Variants in PTGES3L observed in about 807,000 individuals in gnomAD.
The protein encoded by PTGES3L is prostaglandin E synthase 3 like.
A neutral mutation model predicts 25.0 loss-of-function variants in PTGES3L; 17 were observed. That is an observed-to-expected ratio of 0.68 (90% CI 0.47 to 1.02). The LOEUF (loss-of-function observed/expected upper bound fraction) is 1.02. PTGES3L is among the 50% of genes least tolerant of loss of function. PTGES3L has a pLI of 0.00. For missense variants in PTGES3L, 202 were observed against 197.5 expected, an observed-to-expected ratio of 1.02 and a Z score of -0.14; for synonymous variants, 59 against 65.7, an observed-to-expected ratio of 0.90 and a Z score of 0.50.
Position 42,969,188 on chromosome 17 carries a change from TGGG to T in PTGES3L, c.433-5_433-3del, listed in dbSNP as rs747833167. 0.26 allele frequency: 267,886 copies of T among 1,011,018 alleles called. 28,562 individuals are homozygous for T. The highest frequency in any genetic ancestry group is 0.35 in the Admixed American group (13,688 of 39,200). 62.6% of individuals were successfully genotyped at this position (1,011,018 alleles called of 1,614,324 possible). On this transcript the variant is annotated splice_polypyrimidine_tract_variant and splice_region_variant and intron_variant, in intron 6 of 6. Coordinates refer to ENST00000591916, the MANE Select transcript of PTGES3L (RefSeq NM_001261430.2). ...ATCATCAGCACTGTCAGAATCATCC[TGGG>T]GGCGGGGGGGAAAAAAGACAAAGCA... is the stretch of plus-strand genomic sequence containing the variant.
Position 42,979,249 on chromosome 17 carries a change from G to A in PTGES3L, c.209C>T (p.Ser70Phe), listed in dbSNP as rs1255835544. 1.7e-5 allele frequency: 28 copies of A among 1,614,140 alleles called. No individual in the cohort carries two copies. The highest frequency in any genetic ancestry group is 2.2e-5 in the East Asian group (1 of 44,880). Residue 70 changes from serine (S) to phenylalanine (F), a missense_variant, in exon 4 of 7, where the codon TCT becomes TTT. By Grantham distance (155) the Ser-to-Phe change is radical (BLOSUM62 -2). Coordinates refer to ENST00000591916, the MANE Select transcript of PTGES3L (RefSeq NM_001261430.2). ...CACAAAACAAGTAATAGAGCGGGAA[G>A]AGCGCTTATCCTGGGAGTCCTGCCA... is the stretch of plus-strand genomic sequence containing the variant. ...VNSKDSQDKR[S>F]SRSITCFVRK...
Position 42,971,591 on chromosome 17 carries a change from A to G in PTGES3L, c.378+16T>C. 6.2e-7 allele frequency: 1 copy of G among 1,613,376 alleles called. No individual in the cohort carries two copies. Among genetic ancestry groups the G allele is most frequent in the Non-Finnish European group, 8.5e-7 (1 of 1,179,484 alleles). On this transcript the variant is annotated intron_variant, in intron 5 of 6. Coordinates refer to ENST00000591916, the MANE Select transcript of PTGES3L (RefSeq NM_001261430.2). ...AATGATCAAGTGGGCAGAACACAGT[A>G]GGTGTTGTCTCTCACCTCTGCATAA...
rs753763033 is a variant in PTGES3L, at chr17:42,971,640, C to A, written c.345G>T (p.Glu115Asp). 1 of 1,614,096 alleles carries A rather than the reference C, an allele frequency of 6.2e-7. No individual in the cohort carries two copies. The highest frequency in any genetic ancestry group is 8.5e-7 in the Non-Finnish European group (1 of 1,180,024). ...AATGTTCCACATGAGCCAGCTCCAT[C>A]TCTTCATCCCCTTCCCAGTCTCTCC... ...DNWRDWEGDE[E>D]MELAHVEHYA... The change falls in exon 5 of 7, where the codon GAG becomes GAT. Residue 115 changes from glutamate to aspartate, a missense_variant. Transcript: ENST00000591916.
intron 4 of PTGES3L, among the ~76,000 whole-genome samples, chr17:42,973,384 C>A (rs1451143859): frequency 6.9e-6 from 1 of 145,602 alleles, no homozygotes; most frequent in Non-Finnish European, 1.5e-5. Flanking sequence ...GGGTCAGCCC[C>A]CTGCCCGGCC....
intron 1 of PTGES3L, 41 bp from the exon 2 acceptor site, chr17:42,979,704 G>A (rs745329798): frequency 6.2e-7 from 1 of 1,600,364 alleles, no homozygotes; most frequent in South Asian, 1.1e-5. Flanking sequence ...GGGTGGGAGA[G>A]GGAAGACTGA....
At chr17:42,979,996 A>G in intron 1 of PTGES3L, 50 bp downstream of exon 1, 1 of 1,520,576 alleles carries the variant, frequency 6.6e-7, no homozygotes, top group Non-Finnish European at 8.8e-7. Context: ...TGGAGCAGGG[A>G]ATCTCCAGGG....
intron 4 of PTGES3L, among the ~76,000 whole-genome samples, chr17:42,973,235 G>A (rs1327932983): frequency 6.8e-6 from 1 of 147,466 alleles, no homozygotes; most frequent in Non-Finnish European, 1.5e-5. Flanking sequence ...CCGTCCGGGA[G>A]GGAGGTGGGG....
Position 42,979,377 on chromosome 17 carries a change from C to T in PTGES3L, c.189+1G>A. On this transcript the variant is annotated splice_donor_variant, in intron 3 of 6. Coordinates refer to ENST00000591916, the MANE Select transcript of PTGES3L (RefSeq NM_001261430.2). LOFTEE classifies it high-confidence loss of function. ...ACCTTACTGTCCCATTTCACCCTTA[C>T]CTTGGAGTTCACTTTGGCATAGAAC... The T allele has an allele frequency of 1.2e-6, 2 of 1,614,168 alleles. No individual in the cohort carries two copies. The highest frequency in any genetic ancestry group is 1.7e-6 in the Non-Finnish European group (2 of 1,180,038).
At chr17:42,977,580 G>A (rs1158999561) in intron 4 of PTGES3L, among the ~76,000 whole-genome samples, 5 of 147,120 alleles carry the variant, frequency 3.4e-5, no homozygotes, top group Non-Finnish European at 6.0e-5. Flanking sequence ...CTCCAGCCTG[G>A]GCAACAAGAG....
Position 42,971,666 on chromosome 17 carries a change from A to T in PTGES3L, c.319T>A (p.Trp107Arg). ...PVWLSVDFDNWRDWEGDEEME... is the reference protein window; with the variant it reads ...PVWLSVDFDNRRDWEGDEEME... Reference sequence around the variant, plus strand: ...TCTTCATCCCCTTCCCAGTCTCTCCAGTTATCAAAGTCCACAGACAGCCAC... The same window carrying T: ...TCTTCATCCCCTTCCCAGTCTCTCCTGTTATCAAAGTCCACAGACAGCCAC... Residue 107 changes from tryptophan to arginine, a missense_variant, in exon 5 of 7, where the codon TGG (tryptophan) becomes AGG (arginine). By Grantham distance (101) the Trp-to-Arg change is moderately radical. Transcript: ENST00000591916. 6.2e-7 allele frequency: 1 copy of T among 1,614,080 alleles called. No homozygotes were observed. Among genetic ancestry groups the T allele is most frequent in the Middle Eastern group, 1.6e-4 (1 of 6,062 alleles).
intron 4 of PTGES3L, 86 bp from the exon 5 acceptor site, chr17:42,971,782 G>T (rs900669928): frequency 5.6e-6 from 8 of 1,425,584 alleles, no homozygotes; most frequent in Non-Finnish European, 6.8e-6. Flanking sequence ...ATGGGAGCAC[G>T]CCTGGGGAAA....
rs910899916 is a variant in PTGES3L at position 42,968,938 on chromosome 17, C to T, written c.*210G>A. 3.9e-5 allele frequency: 20 copies of T among 507,520 alleles called. 1 individual carries two copies. Among genetic ancestry groups the T allele is most frequent in the Non-Finnish European group, 7.0e-5 (20 of 283,874 alleles). 31.4% of individuals were successfully genotyped at this position (507,520 alleles called of 1,614,324 possible). A position where few individuals can be genotyped will look rare whatever the true frequency, so the allele number is the denominator to read the frequency against. On this transcript the variant is annotated 3_prime_UTR_variant, in exon 7 of 7. Transcript: ENST00000591916. ...GAAGCCCTACCAGTCTACCCCTCCC[C>T]GACCCTGCATCTGATGTGGAGCCAT... is the stretch of plus-strand genomic sequence containing the variant.
At chr17:42,970,688 A>G (rs895000055) in intron 5 of PTGES3L, among the ~76,000 whole-genome samples, 119 of 38,072 alleles carry the variant, frequency 3.1e-3, no homozygotes, top group Non-Finnish European at 7.2e-3. Context: ...ACACACACAC[A>G]CACACACACA....
At chr17:42,973,513 ACGGGC>A (rs2049897402) in intron 4 of PTGES3L, among the ~76,000 whole-genome samples, 1 of 152,048 alleles carries the variant, frequency 6.6e-6, no homozygotes, top group South Asian at 2.1e-4. Flanking sequence ...CTCACTGAGA[ACGGGC>A]CAGGATGACA....
At chr17:42,978,828 C>T (rs2050013953) in intron 4 of PTGES3L, among the ~76,000 whole-genome samples, 3 of 152,026 alleles carry the variant, frequency 2.0e-5, no homozygotes. Flanking sequence ...AGGAGAAACC[C>T]CATCTCTACT....
intron 5 of PTGES3L, 34 bp from the exon 6 acceptor site, chr17:42,970,376 G>A (rs1254932853): frequency 6.2e-7 from 1 of 1,612,714 alleles, no homozygotes; most frequent in Non-Finnish European, 8.5e-7. Flanking sequence ...CAAGGGAGAA[G>A]GGAGTGAAGG....
chr17:42,969,435 G>A (rs1029476349), intron 6 of PTGES3L, among the ~76,000 whole-genome samples: 47 of 112,746 alleles, frequency 4.2e-4, no homozygotes, highest in Non-Finnish European at 6.9e-4. Flanking sequence ...TTGAGACAGG[G>A]TCTTGCTTCA....
At chr17:42,977,698 A>AAGAT (rs2049984609) in intron 4 of PTGES3L, among the ~76,000 whole-genome samples, 1 of 151,276 alleles carries the variant, frequency 6.6e-6, no homozygotes, top group Non-Finnish European at 1.5e-5. Flanking sequence ...AAAGAAAAGA[A>AAGAT]AGAAAGAAAG....
rs1359627961 is a variant in PTGES3L, at chr17:42,979,204, AC to A, written c.253del (p.Val85TrpfsTer44). On this transcript the variant is annotated frameshift_variant, in exon 4 of 7. Coordinates refer to ENST00000591916, the MANE Select transcript of PTGES3L (RefSeq NM_001261430.2). LOFTEE classifies it high-confidence loss of function. ...TCFVRKWKEK[V>X]AWPRLTKEDI... is the part of the protein sequence containing the mutation. ...CTCCTTGGTAAGCCGCGGCCAGGCC[AC>A]CTTTTCCTTCCATTTTCTCACAAAA... 2 of 1,614,102 alleles carry A rather than the reference AC, an allele frequency of 1.2e-6. No homozygotes were observed. Among genetic ancestry groups the A allele is most frequent in the East Asian group, 2.2e-5 (1 of 44,878 alleles).
Sources: gnomAD v4.1 joint callset for allele counts (sites outside exome capture counted in the v4.1 genomes callset) on GRCh38, gnomAD v4.1.1 for gene constraint, MANE v1.5 for transcripts, NCBI Gene and HGNC (gene_info 2026-07-23, HGNC 2026-07-21) for gene names.